PLCB1: variants seen among roughly 807,000 people sequenced by gnomAD.
The protein encoded by PLCB1 is phospholipase C beta 1.
In PLCB1, 46 loss-of-function variants were observed where a neutral mutation model predicts 161.8. That is an observed-to-expected ratio of 0.28 (90% confidence interval 0.22 to 0.36). The LOEUF is 0.36. Ranked by LOEUF, PLCB1 falls within the 10% of genes least tolerant of loss-of-function variation. The pLI, the probability that PLCB1 is intolerant of heterozygous loss-of-function variation, is 1.00. For missense variants in PLCB1, 1,016 were observed against 1,472.5 expected (o/e 0.69, Z 5.07); for synonymous variants, 517 against 503.7 (o/e 1.03, Z -0.35).
chr20:8,297,059 C>T (rs1392861161), intron 2 of PLCB1, among the ~76,000 whole-genome samples: 2 of 151,816 alleles, frequency 1.3e-5, no homozygotes, highest in Admixed American at 6.6e-5. Flanking sequence ...CACATGCAAA[C>T]ACATGCATAC....
At chr20:8,558,100 A>G (rs1170349232) in intron 3 of PLCB1, among the ~76,000 whole-genome samples, 1 of 151,902 alleles carries the variant, frequency 6.6e-6, no homozygotes, top group Non-Finnish European at 1.5e-5. Flanking sequence ...GATCTAGTAT[A>G]TGTTAGCACA....
At chr20:8,658,498 TTTAAAAAA>T (rs1291877634) in intron 8 of PLCB1, 32 bp from the exon 9 acceptor site, 4 of 1,481,308 alleles carry the variant, frequency 2.7e-6, no homozygotes, top group Non-Finnish European at 3.7e-6. Flanking sequence ...TGAAACTTAG[TTTAAAAAA>T]TTCTTATTGC....
intron 2 of PLCB1, among the ~76,000 whole-genome samples, chr20:8,367,701 G>A (rs1408983135): frequency 3.9e-5 from 6 of 152,140 alleles, no homozygotes; most frequent in Non-Finnish European, 8.8e-5. Flanking sequence ...TTAAACTGAG[G>A]AAGGGCAGAA....
chr20:8,868,711 A>C (rs1987510699), intron 31 of PLCB1, among the ~76,000 whole-genome samples: 2 of 152,144 alleles, frequency 1.3e-5, no homozygotes, highest in African/African-American at 4.8e-5. Flanking sequence ...GGCTCACTTC[A>C]ACCTCCGCCT....
At chr20:8,654,787 A>C (rs1989410254) in intron 7 of PLCB1, among the ~76,000 whole-genome samples, 1 of 152,040 alleles carries the variant, frequency 6.6e-6, no homozygotes, top group Non-Finnish European at 1.5e-5. Context: ...TGTGAGATTG[A>C]GAAAGAGAAA....
At chr20:8,770,045 C>T (rs577143849) in intron 26 of PLCB1, among the ~76,000 whole-genome samples, 5 of 152,120 alleles carry the variant, frequency 3.3e-5, no homozygotes, top group South Asian at 2.1e-4. Context: ...CTCCGCCTCC[C>T]GGGTTCATGC....
chr20:8,591,687 A>G (rs1299582221), intron 3 of PLCB1, among the ~76,000 whole-genome samples: 1 of 152,156 alleles, frequency 6.6e-6, no homozygotes. Flanking sequence ...CCACGTGGGA[A>G]TTTCCACCTG....
At chr20:8,193,612 G>T (rs732366) in intron 2 of PLCB1, among the ~76,000 whole-genome samples, 4,120 of 152,048 alleles carry the variant, frequency 0.027, 199 homozygotes, top group African/African-American at 0.092. Flanking sequence ...GGGTGTGAAA[G>T]TCTTCACTCT....
intron 3 of PLCB1, among the ~76,000 whole-genome samples, chr20:8,506,968 T>C (rs1006319325): frequency 2.6e-5 from 4 of 152,218 alleles, no homozygotes; most frequent in African/African-American, 9.6e-5. Context: ...CTTATAACTC[T>C]TGACTCCCTA....
In PLCB1 at chr20:8,321,297, A is replaced by C. The variant is rs142521027; in HGVS notation, c.178-50085A>C. ...TGTGAGAAAAACTGATTTGAAATAGATTTTAAACCAGGCAGCCCTTTTGCT... is the reference window on the plus strand; with the variant it reads ...TGTGAGAAAAACTGATTTGAAATAGCTTTTAAACCAGGCAGCCCTTTTGCT... On this transcript the variant is annotated intron_variant, in intron 2 of 31. Transcript: ENST00000338037. Among the ~76,000 whole-genome samples, 982 of 152,296 alleles carry C rather than the reference A, an allele frequency of 6.4e-3. 10 individuals are homozygous for C. Among genetic ancestry groups the C allele is most frequent in the African/African-American group, 0.022 (902 of 41,568 alleles).
At chr20:8,849,200 A>G (rs1311987868) in intron 31 of PLCB1, among the ~76,000 whole-genome samples, 1 of 152,146 alleles carries the variant, frequency 6.6e-6, no homozygotes, top group Non-Finnish European at 1.5e-5. Context: ...TTTTTTGACT[A>G]ATGAGAGATT....
At chr20:8,643,065 C>G (rs1989006739) in intron 4 of PLCB1, among the ~76,000 whole-genome samples, 1 of 152,144 alleles carries the variant, frequency 6.6e-6, no homozygotes, top group Non-Finnish European at 1.5e-5. Flanking sequence ...GCTTGGTGAG[C>G]AATAATTTTG....
rs755821840 is a variant in PLCB1 at position 8,657,144 on chromosome 20, G to GA, written c.595-35dup. 8.5e-5 allele frequency: 100 copies of GA among 1,172,588 alleles called. 2 individuals are homozygous for GA. The highest frequency in any genetic ancestry group is 8.5e-4 in the Admixed American group (50 of 59,106). 72.6% of individuals were successfully genotyped at this position (1,172,588 alleles called of 1,614,324 possible). ...ACAGGGAGGGAGGAAGCTGGGGAAG[G>GA]AAAAAGACCATTTGCTGACTCCGTT... On this transcript the variant is annotated intron_variant, in intron 7 of 31. Transcript: ENST00000338037.
intron 31 of PLCB1, among the ~76,000 whole-genome samples, chr20:8,828,282 C>T (rs1028059587): frequency 1.3e-5 from 2 of 152,196 alleles, no homozygotes; most frequent in Non-Finnish European, 2.9e-5. Flanking sequence ...CTCAAAAGCT[C>T]ACTTCTCTCT....
intron 2 of PLCB1, among the ~76,000 whole-genome samples, chr20:8,159,882 G>A (rs1423530565): frequency 6.7e-6 from 1 of 148,954 alleles, no homozygotes; most frequent in Admixed American, 6.8e-5. Context: ...AGCTACCTGG[G>A]AAGGCTGAGG....
chr20:8,729,950 GTGT>G (rs1211018547), intron 18 of PLCB1: 1 of 151,888 alleles, frequency 6.6e-6, no homozygotes, highest in Non-Finnish European at 1.5e-5. Context: ...AGACAAAAAT[GTGT>G]TATTTCACTG....
intron 2 of PLCB1, among the ~76,000 whole-genome samples, chr20:8,197,520 T>A (rs1205707786): frequency 6.6e-6 from 1 of 152,200 alleles, no homozygotes; most frequent in Non-Finnish European, 1.5e-5. Flanking sequence ...TTTTTTTTCT[T>A]GTAAATTTGT....
intron 2 of PLCB1, among the ~76,000 whole-genome samples, chr20:8,344,433 C>T (rs954868096): frequency 3.3e-5 from 5 of 152,220 alleles, no homozygotes; most frequent in African/African-American, 1.2e-4. Context: ...TTTATGGGGT[C>T]TGAGCTAAAA....
intron 3 of PLCB1, among the ~76,000 whole-genome samples, chr20:8,589,657 C>G (rs547085332): frequency 6.9e-6 from 1 of 144,406 alleles, no homozygotes; most frequent in East Asian, 2.1e-4. Context: ...TGCTCTGTCA[C>G]CCAGACTGGA....
Sources: allele counts gnomAD v4.1 joint callset (sites outside exome capture counted in the v4.1 genomes callset), GRCh38; gene constraint gnomAD v4.1.1; transcripts MANE v1.5; gene names NCBI Gene and HGNC (gene_info 2026-07-23, HGNC 2026-07-21).